ETNK1: variants seen among roughly 807,000 people sequenced by gnomAD.
ETNK1 encodes the protein ethanolamine kinase 1, also known as putative protein product of Nbla10396.
A neutral mutation model predicts 45.1 loss-of-function variants in ETNK1; 8 were observed. The ratio of observed to expected loss-of-function variants is 0.18; its 90% CI spans 0.10 to 0.32. The LOEUF (loss-of-function observed/expected upper bound fraction) is 0.32, where lower values mean the gene tolerates loss of function less well. ETNK1 is among the 10% of genes least tolerant of loss of function. ETNK1 has a pLI of 1.00. For synonymous variants in ETNK1, 152 were observed against 151.9 expected, an observed-to-expected ratio of 1.00 and a Z score of -0.01; for missense variants, 302 against 430.6, an observed-to-expected ratio of 0.70 and a Z score of 2.64.
chr12:22,625,718 T>C, intron 1 of ETNK1, 132 bp downstream of exon 1: 1 of 1,328,046 alleles, frequency 7.5e-7, no homozygotes. Context: ...TATTGGGAAG[T>C]GACCCTGTAT....
intron 5 of ETNK1, among the ~76,000 whole-genome samples, chr12:22,673,116 C>T (rs1016048284): frequency 2.0e-5 from 3 of 152,040 alleles, no homozygotes; most frequent in Non-Finnish European, 2.9e-5. Flanking sequence ...AGTATTCTTA[C>T]CATGAGTCAT....
chr12:22,641,215 G>A (rs989000120), intron 1 of ETNK1, among the ~76,000 whole-genome samples: 8 of 152,126 alleles, frequency 5.3e-5, no homozygotes, highest in Non-Finnish European at 1.0e-4. Flanking sequence ...TGGTGATTTG[G>A]GGGAGGGTTC....
In ETNK1 at chr12:22,689,013, T is replaced by C. The variant is rs1322227453; in HGVS notation, c.*4059T>C. 6.6e-6 allele frequency: 1 copy of C among 151,902 alleles called. No homozygotes were observed. Among genetic ancestry groups the C allele is most frequent in the Admixed American group, 6.6e-5 (1 of 15,250 alleles). The allele number at this position is 151,902 out of a possible 1,614,324, so 9.4% of individuals were successfully genotyped here. A position where few individuals can be genotyped will look rare whatever the true frequency, so the allele number is the denominator to read the frequency against. ...AAGTGTATCAATTATTTTAAATGAA[T>C]TTTTCCCCATGTTTGAGGCTTAGTC... On this transcript the variant is annotated 3_prime_UTR_variant, in exon 8 of 8. Transcript: ENST00000266517.
chr12:22,638,711 C>G (rs1953688613), intron 1 of ETNK1: 1 of 152,044 alleles, frequency 6.6e-6, no homozygotes, highest in African/African-American at 2.4e-5. Flanking sequence ...TCTAGAGTTC[C>G]TCACTTATGC....
chr12:22,683,691 G>C (rs1283925866), intron 6 of ETNK1, among the ~76,000 whole-genome samples: 2 of 152,042 alleles, frequency 1.3e-5, no homozygotes, highest in Admixed American at 6.6e-5. Flanking sequence ...TAAATACCAA[G>C]GTCATGGCTG....
At chr12:22,652,271 G>C (rs1953887445) in intron 2 of ETNK1, among the ~76,000 whole-genome samples, 3 of 151,972 alleles carry the variant, frequency 2.0e-5, no homozygotes, top group African/African-American at 7.2e-5. Flanking sequence ...TGTATACTTG[G>C]GCAATAGTCA....
chr12:22,679,948 T>G (rs1171461411), intron 6 of ETNK1, among the ~76,000 whole-genome samples: 2 of 152,180 alleles, frequency 1.3e-5, no homozygotes, highest in African/African-American at 2.4e-5. Flanking sequence ...CACCTCGGCC[T>G]CCCCGAGTGT....
At chr12:22,650,373 C>T (rs1229011966) in intron 2 of ETNK1, among the ~76,000 whole-genome samples, 1 of 151,402 alleles carries the variant, frequency 6.6e-6, no homozygotes, top group Non-Finnish European at 1.5e-5. Flanking sequence ...AGTGGGAAAT[C>T]TTCAAATTAC....
chr12:22,626,135 C>T (rs559905068), intron 1 of ETNK1: 8 of 260,908 alleles, frequency 3.1e-5, no homozygotes, highest in South Asian at 2.8e-4. Context: ...CAGCACCACA[C>T]ACATTGTTTT....
At chr12:22,656,996 A>G (rs1565443533) in intron 2 of ETNK1, 1 of 176,952 alleles carries the variant, frequency 5.7e-6, no homozygotes. Flanking sequence ...ACTGGCTTAC[A>G]GTGTGTGTGT....
At chr12:22,651,740 A>G (rs1953879128) in intron 2 of ETNK1, among the ~76,000 whole-genome samples, 1 of 133,134 alleles carries the variant, frequency 7.5e-6, no homozygotes, top group Admixed American at 8.8e-5. Context: ...CCTGGTGTGC[A>G]GTGGTGCCTC....
At chr12:22,640,042 A>G (rs1279725360) in intron 1 of ETNK1, among the ~76,000 whole-genome samples, 1 of 152,178 alleles carries the variant, frequency 6.6e-6, no homozygotes, top group Non-Finnish European at 1.5e-5. Context: ...AACAGTGATA[A>G]CTTCATCAAT....
At chr12:22,634,086 T>C (rs1953621255) in intron 1 of ETNK1, among the ~76,000 whole-genome samples, 1 of 152,192 alleles carries the variant, frequency 6.6e-6, no homozygotes, top group Non-Finnish European at 1.5e-5. Flanking sequence ...CTATAGATTT[T>C]CTTTAATGAC....
Position 22,670,369 on chromosome 12 carries a change from A to AT in ETNK1, c.701-889dup, listed in dbSNP as rs72477831. Among the ~76,000 whole-genome samples, 2,369 of 145,034 alleles carry AT rather than the reference A, an allele frequency of 0.016. 156 individuals carry two copies. The East Asian group carries it at 0.23, about 14-fold the overall frequency. Reference sequence around the variant, plus strand: ...CTGGTGAAGACAGTGACCCACATTGATTTTTTTTTTTTTTAAGGTTTCTCT... The same window carrying AT: ...CTGGTGAAGACAGTGACCCACATTGATTTTTTTTTTTTTTTAAGGTTTCTCT... On this transcript the variant is annotated intron_variant, in intron 4 of 7. Coordinates refer to ENST00000266517, the MANE Select transcript of ETNK1 (RefSeq NM_018638.5).
rs558432818 is a variant in ETNK1 at position 22,662,853 on chromosome 12, G to A, written c.700+1648G>A. ...TATGACCCTTCTTAGAGTGTAAAGCGGGACTATTCAAATACAAAGGTTGAT... is the reference window on the plus strand; with the variant it reads ...TATGACCCTTCTTAGAGTGTAAAGCAGGACTATTCAAATACAAAGGTTGAT... On this transcript the variant is annotated intron_variant, in intron 4 of 7. Transcript: ENST00000266517. 2.8e-3 allele frequency among the ~76,000 whole-genome samples: 428 copies of A among 152,202 alleles called. 2 individuals carry two copies. The highest frequency in any genetic ancestry group is 9.9e-3 in the African/African-American group (412 of 41,524).
rs573716039 is a variant in ETNK1, at chr12:22,630,504, A to C, written c.156+4918A>C. Among the ~76,000 whole-genome samples, 70 of 152,348 alleles carry C rather than the reference A, an allele frequency of 4.6e-4. 2 individuals carry two copies. The Middle Eastern group carries it at 0.017, about 37-fold the overall frequency. ...ATTGAAAAGGGAAACATTTCTGAGC[A>C]AGGAAAACTATCTCACAAAGGCAAT... On this transcript the variant is annotated intron_variant, in intron 1 of 7. Transcript: ENST00000266517.
At chr12:22,663,822 G>T (rs1424068770) in intron 4 of ETNK1, among the ~76,000 whole-genome samples, 1 of 150,774 alleles carries the variant, frequency 6.6e-6, no homozygotes, top group Non-Finnish European at 1.5e-5. Context: ...TTGTGGTTAT[G>T]TATGTGTCTT....
chr12:22,684,416 C>G, intron 6 of ETNK1, 67 bp from the exon 7 acceptor site: 1 of 1,054,160 alleles, frequency 9.5e-7, no homozygotes. Context: ...ATAGAATTAG[C>G]AATTCATATG....
chr12:22,680,890 T>TCCCCCCTC (rs139159553), intron 6 of ETNK1, among the ~76,000 whole-genome samples: 2 of 53,198 alleles, frequency 3.8e-5, no homozygotes, highest in African/African-American at 9.2e-5. Flanking sequence ...GAGCTTTTCT[T>TCCCCCCTC]CCCCCGCCCC....
Sources: gnomAD v4.1 joint callset for allele counts (sites outside exome capture counted in the v4.1 genomes callset) on GRCh38, gnomAD v4.1.1 for gene constraint, MANE v1.5 for transcripts, NCBI Gene and HGNC (gene_info 2026-07-23, HGNC 2026-07-21) for gene names.